RNGTT: variants seen among roughly 807,000 people sequenced by gnomAD.
RNGTT encodes mRNA-capping enzyme.
RNGTT carries 33 observed loss-of-function variants against 79.3 expected under a neutral mutation model. The ratio of observed to expected loss-of-function variants is 0.42; its 90% CI spans 0.32 to 0.56. The LOEUF is 0.56. RNGTT is among the 20% of genes least tolerant of loss of function. The pLI is 0.17. For synonymous variants in RNGTT, 222 were observed against 235.9 expected, an observed-to-expected ratio of 0.94 and a Z score of 0.54; for missense variants, 497 against 739.1, an observed-to-expected ratio of 0.67 and a Z score of 3.80.
intron 11 of RNGTT, among the ~76,000 whole-genome samples, chr6:88,809,571 T>C (rs1780068800): frequency 6.6e-6 from 1 of 152,096 alleles, no homozygotes; most frequent in Non-Finnish European, 1.5e-5. Context: ...ATTTGGAAAG[T>C]CATCCAATAT....
At chr6:88,776,747 A>C (rs1000577929) in intron 12 of RNGTT, among the ~76,000 whole-genome samples, 3 of 150,388 alleles carry the variant, frequency 2.0e-5, no homozygotes, top group Non-Finnish European at 3.0e-5. Flanking sequence ...GAATTCCTTT[A>C]ATATTATAGA....
intron 12 of RNGTT, 21 bp downstream of exon 12, chr6:88,801,535 AACACACAC>A (rs143372586): frequency 6.5e-7 from 1 of 1,532,656 alleles, no homozygotes; most frequent in Non-Finnish European, 9.0e-7. Context: ...CACACAAACG[AACACACAC>A]ACACAGACAA....
chr6:88,646,394 G>T (rs1262837390), intron 14 of RNGTT, among the ~76,000 whole-genome samples: 1 of 152,182 alleles, frequency 6.6e-6, no homozygotes, highest in Admixed American at 6.5e-5. Flanking sequence ...CACTGTTGGT[G>T]GGACTGTAAA....
intron 4 of RNGTT, among the ~76,000 whole-genome samples, chr6:88,921,310 C>A (rs575149818): frequency 6.6e-6 from 1 of 150,848 alleles, no homozygotes; most frequent in Non-Finnish European, 1.5e-5. Flanking sequence ...CATAGTGAGA[C>A]CTGGTCTTTA....
intron 11 of RNGTT, among the ~76,000 whole-genome samples, chr6:88,826,798 AAATATATATATATATATATGTGTGTG>A (rs1410739394): frequency 4.1e-5 from 5 of 122,752 alleles, no homozygotes; most frequent in African/African-American, 1.7e-4. Flanking sequence ...GAAAAAAAAA[AAATATATATATATATATATGTGTGTG>A]TATATATATA....
intron 14 of RNGTT, among the ~76,000 whole-genome samples, chr6:88,647,815 A>AT (rs1452498767): frequency 6.6e-6 from 1 of 151,542 alleles, no homozygotes; most frequent in African/African-American, 2.4e-5. Flanking sequence ...AATCTGTTCT[A>AT]TTTTTCCTGA....
intron 14 of RNGTT, among the ~76,000 whole-genome samples, chr6:88,628,762 T>G: frequency 6.6e-6 from 1 of 152,166 alleles, no homozygotes; most frequent in Non-Finnish European, 1.5e-5. Context: ...GATCTAGAGC[T>G]CTACATCGCA....
chr6:88,614,213 G>T lies in RNGTT; in HGVS notation c.1630+59C>A, dbSNP rs150514790. 10 of 1,564,846 alleles carry T rather than the reference G, an allele frequency of 6.4e-6. No homozygotes were observed. The African/African-American group carries it at 9.5e-5, about 15-fold the overall frequency. On this transcript the variant is annotated intron_variant, in intron 15 of 15. Coordinates refer to ENST00000369485, the MANE Select transcript of RNGTT (RefSeq NM_003800.5). ...AAACAACAAAGGCAGCACACTTTGG[G>T]TCTAACACCTTAATTTTTGTTTTAA... is the stretch of plus-strand genomic sequence containing the variant.
At chr6:88,892,243 A>G (rs1783075921) in intron 6 of RNGTT, among the ~76,000 whole-genome samples, 1 of 152,070 alleles carries the variant, frequency 6.6e-6, no homozygotes, top group South Asian at 2.1e-4. Context: ...TCCTTACAAC[A>G]CTGAAAAAAT....
At chr6:88,962,573 G>A (rs1270326095) in intron 1 of RNGTT, among the ~76,000 whole-genome samples, 1 of 152,048 alleles carries the variant, frequency 6.6e-6, no homozygotes, top group Non-Finnish European at 1.5e-5. Flanking sequence ...AGGCGTTGGA[G>A]ACCAGCCTGG....
intron 8 of RNGTT, among the ~76,000 whole-genome samples, chr6:88,874,558 C>T (rs1460857239): frequency 6.6e-6 from 1 of 151,860 alleles, no homozygotes; most frequent in Non-Finnish European, 1.5e-5. Flanking sequence ...AAGTTTTTTC[C>T]CCTTTTTTAT....
At chr6:88,961,178 G>A (rs555920522) in intron 1 of RNGTT, among the ~76,000 whole-genome samples, 31 of 152,258 alleles carry the variant, frequency 2.0e-4, no homozygotes, top group African/African-American at 7.0e-4. Context: ...TGTGGTGGAC[G>A]CTTCCTGCCC....
intron 13 of RNGTT, among the ~76,000 whole-genome samples, chr6:88,768,505 TCC>T (rs1400526032): frequency 2.6e-5 from 4 of 152,216 alleles, no homozygotes; most frequent in Non-Finnish European, 4.4e-5. Flanking sequence ...ATGCACAGTT[TCC>T]TTTCTTTGAT....
At chr6:88,720,485 G>A (rs1776671488) in intron 13 of RNGTT, among the ~76,000 whole-genome samples, 1 of 151,944 alleles carries the variant, frequency 6.6e-6, no homozygotes, top group African/African-American at 2.4e-5. Context: ...CCTGAGTCTA[G>A]TGTTCTCATC....
chr6:88,931,298 T>C (rs1784507733), intron 2 of RNGTT, among the ~76,000 whole-genome samples: 1 of 151,758 alleles, frequency 6.6e-6, no homozygotes, highest in Non-Finnish European at 1.5e-5. Context: ...GCATATATAA[T>C]GTGCTACCTT....
At chr6:88,758,543 A>G (rs1008847089) in intron 13 of RNGTT, among the ~76,000 whole-genome samples, 7 of 152,208 alleles carry the variant, frequency 4.6e-5, no homozygotes, top group Admixed American at 3.9e-4. Context: ...TGAATAATAC[A>G]GAGACCCTTT....
intron 8 of RNGTT, among the ~76,000 whole-genome samples, chr6:88,883,195 A>C (rs1782748049): frequency 7.0e-6 from 1 of 143,484 alleles, no homozygotes; most frequent in Admixed American, 6.9e-5. Context: ...AAAAAAAAAA[A>C]TCGAAGTGCA....
intron 1 of RNGTT, among the ~76,000 whole-genome samples, chr6:88,950,118 C>G (rs1199798591): frequency 1.3e-5 from 2 of 152,172 alleles, no homozygotes; most frequent in Non-Finnish European, 2.9e-5. Context: ...ACAACAAAAG[C>G]CTGGATGACA....
intron 2 of RNGTT, among the ~76,000 whole-genome samples, chr6:88,933,378 G>T (rs1252193496): frequency 1.3e-5 from 2 of 152,054 alleles, no homozygotes; most frequent in African/African-American, 4.8e-5. Flanking sequence ...CTAACTATAT[G>T]TTTGCACTAA....
Sources: allele counts gnomAD v4.1 joint callset (sites outside exome capture counted in the v4.1 genomes callset), GRCh38; gene constraint gnomAD v4.1.1; transcripts MANE v1.5; gene names NCBI Gene and HGNC (gene_info 2026-07-23, HGNC 2026-07-21).